SYNDIG1: variants seen among roughly 807,000 people sequenced by gnomAD.
The protein encoded by SYNDIG1 is synapse differentiation-inducing gene protein 1.
In SYNDIG1, 9 loss-of-function variants were observed where a neutral mutation model predicts 19.4. The ratio of observed to expected loss-of-function variants is 0.46; its 90% CI spans 0.28 to 0.81. The LOEUF (loss-of-function observed/expected upper bound fraction) is 0.81, where lower values mean the gene tolerates loss of function less well. Among genes scored for constraint, SYNDIG1 ranks in the 30% least tolerant of loss-of-function variants. The pLI, the probability that SYNDIG1 is intolerant of heterozygous loss-of-function variation, is 0.12. For synonymous variants in SYNDIG1, 141 were observed against 145.9 expected (o/e 0.97, Z 0.24); for missense variants, 311 against 343.3 (o/e 0.91, Z 0.74).
chr20:24,647,541 T>C (rs777808117), intron 3 of SYNDIG1, among the ~76,000 whole-genome samples: 4 of 151,910 alleles, frequency 2.6e-5, no homozygotes, highest in Non-Finnish European at 5.9e-5. Flanking sequence ...CTCACAGGCA[T>C]CCATGGAAAA....
intron 3 of SYNDIG1, among the ~76,000 whole-genome samples, chr20:24,607,622 G>A (rs912581982): frequency 6.6e-6 from 1 of 152,110 alleles, no homozygotes; most frequent in Non-Finnish European, 1.5e-5. Flanking sequence ...AGACGGCCTC[G>A]GGCTCCCCCT....
intron 1 of SYNDIG1, among the ~76,000 whole-genome samples, chr20:24,526,585 A>T (rs924540497): frequency 6.6e-6 from 1 of 152,180 alleles, no homozygotes; most frequent in African/African-American, 2.4e-5. Flanking sequence ...AGAGATATAG[A>T]TATAGATATA....
intron 2 of SYNDIG1, among the ~76,000 whole-genome samples, chr20:24,564,957 G>A (rs146774446): frequency 5.3e-5 from 8 of 152,280 alleles, no homozygotes; most frequent in South Asian, 2.1e-4. Flanking sequence ...GGAAGAACAC[G>A]AGACTGTGTT....
intron 2 of SYNDIG1, among the ~76,000 whole-genome samples, chr20:24,581,924 C>G (rs532396552): frequency 4.4e-4 from 66 of 150,760 alleles, no homozygotes; most frequent in Non-Finnish European, 1.3e-4. Context: ...CTGCACTGTA[C>G]GTCCTCCCAC....
At chr20:24,664,114 GA>G (rs1197752925) in intron 3 of SYNDIG1, among the ~76,000 whole-genome samples, 1 of 152,106 alleles carries the variant, frequency 6.6e-6, no homozygotes, top group East Asian at 1.9e-4. Flanking sequence ...TAGCTTTTAA[GA>G]TCCGAAAGTT....
intron 3 of SYNDIG1, among the ~76,000 whole-genome samples, chr20:24,657,052 T>A (rs560582877): frequency 6.6e-6 from 1 of 152,292 alleles, no homozygotes; most frequent in Non-Finnish European, 1.5e-5. Flanking sequence ...CCTCCATGAG[T>A]GAAAAGTCCC....
chr20:24,488,616 G>A (rs897185872), intron 1 of SYNDIG1, among the ~76,000 whole-genome samples: 4 of 152,220 alleles, frequency 2.6e-5, no homozygotes, highest in East Asian at 1.9e-4. Flanking sequence ...CAGAGGAGCC[G>A]TCCCTGGGCA....
At position 24,659,158 on chromosome 20, in the gene SYNDIG1, C is replaced by CT. The variant is rs1299577183; in HGVS notation, c.619-6185dup. On this transcript the variant is annotated intron_variant, in intron 3 of 3. Coordinates refer to ENST00000376862, the MANE Select transcript of SYNDIG1 (RefSeq NM_024893.3). ...GCCCTGTTGAGCCCACAGGGCTTCC[C>CT]TTTAATAGGTGTCACTGGCCACAGA... Among the ~76,000 whole-genome samples, 3 of 152,312 alleles carry CT rather than the reference C, an allele frequency of 2.0e-5. No homozygotes were observed. The East Asian group carries it at 5.8e-4, about 29-fold the overall frequency.
In SYNDIG1 at chr20:24,542,764, A is replaced by G. The variant is rs951106852; in HGVS notation, c.-78-256A>G. Among the ~76,000 whole-genome samples the G allele has an allele frequency of 2.6e-5, 4 of 152,220 alleles. No individual in the cohort carries two copies. The South Asian group carries it at 6.2e-4, about 24-fold the overall frequency. On this transcript the variant is annotated intron_variant, in intron 1 of 3. Coordinates refer to ENST00000376862, the MANE Select transcript of SYNDIG1 (RefSeq NM_024893.3). ...GTTCCTCTAGGCTGCAAGGGAGCCAATTCCTGCAGTCTCCTTCATTTGGAA... is the reference window on the plus strand; with the variant it reads ...GTTCCTCTAGGCTGCAAGGGAGCCAGTTCCTGCAGTCTCCTTCATTTGGAA...
chr20:24,584,050 A>T (rs2058372371), intron 2 of SYNDIG1, among the ~76,000 whole-genome samples: 1 of 152,214 alleles, frequency 6.6e-6, no homozygotes. Flanking sequence ...AAAATATAAA[A>T]TTAAAAAGTA....
At chr20:24,543,719 C>T in intron 2 of SYNDIG1, 142 bp downstream of exon 2, 1 of 1,196,892 alleles carries the variant, frequency 8.4e-7, no homozygotes, top group South Asian at 1.5e-5. Context: ...TCTTGGTGCC[C>T]TTCACTCTTG....
At chr20:24,629,498 G>A (rs944045925) in intron 3 of SYNDIG1, among the ~76,000 whole-genome samples, 1 of 152,096 alleles carries the variant, frequency 6.6e-6, no homozygotes, top group Non-Finnish European at 1.5e-5. Flanking sequence ...AGGCAGAGGA[G>A]GAGGAAGGAA....
intron 3 of SYNDIG1, among the ~76,000 whole-genome samples, chr20:24,621,521 T>G (rs996612118): frequency 7.2e-5 from 11 of 152,238 alleles, no homozygotes; most frequent in Non-Finnish European, 1.6e-4. Flanking sequence ...CCCAAACCCA[T>G]GTGCTGATGT....
intron 2 of SYNDIG1, among the ~76,000 whole-genome samples, chr20:24,569,482 G>A (rs147920105): frequency 2.0e-3 from 300 of 152,228 alleles, no homozygotes; most frequent in African/African-American, 7.1e-3. Context: ...AGTGAGCCCC[G>A]GGGTAGCCCA....
At chr20:24,643,237 C>T (rs921470153) in intron 3 of SYNDIG1, among the ~76,000 whole-genome samples, 9 of 152,224 alleles carry the variant, frequency 5.9e-5, no homozygotes, top group South Asian at 2.1e-4. Flanking sequence ...CAACCATCCA[C>T]TATCCACTTA....
chr20:24,580,221 T>G (rs925213187), intron 2 of SYNDIG1, among the ~76,000 whole-genome samples: 1 of 152,200 alleles, frequency 6.6e-6, no homozygotes, highest in African/African-American at 2.4e-5. Context: ...GGATTGTGTG[T>G]ATTTCTCTGC....
At chr20:24,525,286 CT>C (rs11471122) in intron 1 of SYNDIG1, among the ~76,000 whole-genome samples, 482 of 106,502 alleles carry the variant, frequency 4.5e-3, no homozygotes, top group African/African-American at 0.011. Flanking sequence ...TCTTCTTCTT[CT>C]TTTTTTTTTT....
chr20:24,661,021 G>A (rs1313277865), intron 3 of SYNDIG1, among the ~76,000 whole-genome samples: 3 of 152,276 alleles, frequency 2.0e-5, no homozygotes, highest in African/African-American at 7.2e-5. Flanking sequence ...CAGCCTGAGT[G>A]AAAAGCAAAT....
At chr20:24,637,259 C>G (rs188633426) in intron 3 of SYNDIG1, among the ~76,000 whole-genome samples, 2 of 152,342 alleles carry the variant, frequency 1.3e-5, no homozygotes, top group South Asian at 2.1e-4. Flanking sequence ...GAGCAAGAAA[C>G]CCAGCACTCT....
Sources: allele counts gnomAD v4.1 joint callset (sites outside exome capture counted in the v4.1 genomes callset), GRCh38; gene constraint gnomAD v4.1.1; transcripts MANE v1.5; gene names NCBI Gene and HGNC (gene_info 2026-07-23, HGNC 2026-07-21).